PHF2: variants seen among roughly 807,000 people sequenced by gnomAD.
The protein encoded by PHF2 is PHD finger protein 2.
In PHF2, 27 loss-of-function variants were observed where a neutral mutation model predicts 120.5. The ratio of observed to expected loss-of-function variants is 0.22; its 90% CI spans 0.17 to 0.31. PHF2 has a LOEUF of 0.31. Ranked by LOEUF, PHF2 falls within the 10% of genes least tolerant of loss-of-function variation. The probability of loss-of-function intolerance (pLI) is 1.00; values close to 1 mark genes in which losing one functional copy is unlikely to be tolerated. For synonymous variants in PHF2, 568 were observed against 592.5 expected, an observed-to-expected ratio of 0.96 and a Z score of 0.60; for missense variants, 1,024 against 1,434.8, an observed-to-expected ratio of 0.71 and a Z score of 4.63.
chr9:93,671,379 T>G (rs1196524995), intron 17 of PHF2, among the ~76,000 whole-genome samples: 14 of 128,936 alleles, frequency 1.1e-4, no homozygotes, highest in African/African-American at 3.3e-4. Flanking sequence ...TGGGTGTGGA[T>G]GTAGGTACAG....
chr9:93,649,525 T>C (rs1826324668), intron 5 of PHF2, among the ~76,000 whole-genome samples: 1 of 152,032 alleles, frequency 6.6e-6, no homozygotes, highest in Non-Finnish European at 1.5e-5. Context: ...CCCATCCCAC[T>C]CCTCAGAGAG....
intron 14 of PHF2, among the ~76,000 whole-genome samples, chr9:93,664,497 C>T (rs1171733190): frequency 1.3e-5 from 2 of 152,222 alleles, no homozygotes; most frequent in African/African-American, 4.8e-5. Context: ...CACTTTTCTG[C>T]AGCAGCCACT....
At position 93,676,954 on chromosome 9, in the gene PHF2, G is replaced by T. The variant is rs377079959; in HGVS notation, c.3193G>T (p.Ala1065Ser). 2 of 1,551,246 alleles carry T rather than the reference G, an allele frequency of 1.3e-6. No individual in the cohort carries two copies. The highest frequency in any genetic ancestry group is 1.7e-6 in the Non-Finnish European group (2 of 1,144,608). ...CGCATCGTCTCCAAACAACAACACCGCTGCCAAAGGTACTGTGCCTGCTGG... is the reference window on the plus strand; with the variant it reads ...CGCATCGTCTCCAAACAACAACACCTCTGCCAAAGGTACTGTGCCTGCTGG... ...PSASSPNNNT[A>S]AKGKRTKKGM... The change falls in exon 21 of 22, where the codon GCT becomes TCT. Residue 1065 changes from alanine (A) to serine (S), a missense_variant. This residue lies in a region of PHF2 where 677 missense variants were observed against 857.4 expected (regional missense o/e 0.79). Transcript: ENST00000359246.
chr9:93,663,585 A>C lies in PHF2; in HGVS notation c.1887A>C (p.Gly629=). The change falls in exon 14 of 22, where the codon GGA becomes GGC. Residue 629 remains glycine (G), a synonymous_variant. Coordinates refer to ENST00000359246, the MANE Select transcript of PHF2 (RefSeq NM_005392.4). ...AGCTAGAGAAGTCGCCTCTAGCTGG[A>C]AACAAAGACAATAAGTTCTCTTTTT... ...EQKLEKSPLA[G]NKDNKFSFSF... is the part of the protein sequence containing the mutation. The C allele has an allele frequency of 6.2e-7, 1 of 1,613,630 alleles. No homozygotes were observed. Among genetic ancestry groups the C allele is most frequent in the Non-Finnish European group, 8.5e-7 (1 of 1,179,678 alleles).
rs150897149 is a variant in PHF2 at position 93,654,653 on chromosome 9, C to T, written c.952+78C>T. 9.2e-4 allele frequency: 1,265 copies of T among 1,378,302 alleles called. 11 individuals are homozygous for T. The highest frequency in any genetic ancestry group is 3.7e-3 in the Middle Eastern group (15 of 4,088). 85.4% of individuals were successfully genotyped at this position (1,378,302 alleles called of 1,614,324 possible). On this transcript the variant is annotated intron_variant, in intron 7 of 21. Transcript: ENST00000359246. ...AAGCTTACTGCCCTGTCCCTTGGACCGTGTCCCCACCATGGGGTCTCTTCG... is the reference window on the plus strand; with the variant it reads ...AAGCTTACTGCCCTGTCCCTTGGACTGTGTCCCCACCATGGGGTCTCTTCG...
At chr9:93,591,171 C>A (rs1194384447) in intron 1 of PHF2, among the ~76,000 whole-genome samples, 3 of 152,218 alleles carry the variant, frequency 2.0e-5, no homozygotes, top group Non-Finnish European at 4.4e-5. Flanking sequence ...TCCCAGCACC[C>A]CTCTCCCCAC....
intron 3 of PHF2, among the ~76,000 whole-genome samples, chr9:93,637,408 A>T (rs1434744131): frequency 6.6e-6 from 1 of 152,166 alleles, no homozygotes; most frequent in East Asian, 1.9e-4. Context: ...TGATTTTGGG[A>T]CATTTTCATC....
chr9:93,636,344 G>A (rs1826089543), intron 2 of PHF2, 67 bp from the exon 3 acceptor site: 1 of 1,277,542 alleles, frequency 7.8e-7, no homozygotes, highest in South Asian at 1.3e-5. Context: ...AAGGTTCTTA[G>A]GGGAAGTTGT....
rs1199968037 is a variant in PHF2 at position 93,586,798 on chromosome 9, G to A, written c.98+9927G>A. ...GAGACCAGGCTCTGTTCTAGGCACG[G>A]GCAGCAGTGAGGAAGACTGCACGGC... is the stretch of plus-strand genomic sequence containing the variant. On this transcript the variant is annotated intron_variant, in intron 1 of 21. Transcript: ENST00000359246. Among the ~76,000 whole-genome samples the A allele has an allele frequency of 2.0e-5, 3 of 152,340 alleles. No individual in the cohort carries two copies. The East Asian group carries it at 5.8e-4, about 29-fold the overall frequency.
At chr9:93,581,919 T>C (rs1862937481) in intron 1 of PHF2, among the ~76,000 whole-genome samples, 3 of 152,236 alleles carry the variant, frequency 2.0e-5, no homozygotes, top group Non-Finnish European at 2.9e-5. Flanking sequence ...CACAGTTCTC[T>C]GGGAGAATCT....
intron 12 of PHF2, among the ~76,000 whole-genome samples, chr9:93,661,945 A>G (rs1016296038): frequency 2.0e-5 from 3 of 151,674 alleles, no homozygotes; most frequent in Non-Finnish European, 4.4e-5. Context: ...GGATGAATAA[A>G]TGGATAGATG....
rs116621621 is a variant in PHF2 at position 93,605,705 on chromosome 9, C to A, written c.99-24265C>A. 4.1e-3 allele frequency among the ~76,000 whole-genome samples: 620 copies of A among 152,242 alleles called. 3 individuals are homozygous for A. Among genetic ancestry groups the A allele is most frequent in the African/African-American group, 0.014 (589 of 41,544 alleles). On this transcript the variant is annotated intron_variant, in intron 1 of 21. Coordinates refer to ENST00000359246, the MANE Select transcript of PHF2 (RefSeq NM_005392.4). ...TGGGCTTCTTTTACTTAGTAATATA[C>A]GTTTAAGACTCTTCATGTTTTTTTC...
At chr9:93,588,299 G>C (rs1863099170) in intron 1 of PHF2, among the ~76,000 whole-genome samples, 1 of 152,214 alleles carries the variant, frequency 6.6e-6, no homozygotes. Flanking sequence ...TGGTGGCGTT[G>C]TGTTGGGGAC....
chr9:93,666,052 G>A lies in PHF2; in HGVS notation c.2179G>A (p.Ala727Thr), dbSNP rs147826159. Residue 727 changes from alanine (A) to threonine (T), a missense_variant, in exon 16 of 22, where the codon GCG (alanine) becomes ACG (threonine). Ala to Thr is a moderately conservative substitution (Grantham distance 58). Transcript: ENST00000359246. ...PVTKPKLDSA[A>T]YKSDDSSDEG... ...CACGAAGCCAAAGCTGGACTCGGCA[G>A]CGTACAAGGTGAGCTGCCTTACAGG... The A allele has an allele frequency of 3.6e-4, 582 of 1,612,898 alleles. 7 individuals carry two copies. The East Asian group carries it at 9.9e-3, about 27-fold the overall frequency.
intron 1 of PHF2, among the ~76,000 whole-genome samples, chr9:93,617,141 G>T (rs1391023289): frequency 6.6e-6 from 1 of 152,214 alleles, no homozygotes; most frequent in Admixed American, 6.5e-5. Context: ...CCAGGGCCAG[G>T]TGTCGGTCAT....
intron 13 of PHF2, 54 bp from the exon 14 acceptor site, chr9:93,663,463 C>G (rs1826615733): frequency 9.0e-7 from 1 of 1,111,704 alleles, no homozygotes; most frequent in Non-Finnish European, 1.3e-6. Flanking sequence ...AATTGGGGTC[C>G]TGACCCCCCA....
intron 2 of PHF2, among the ~76,000 whole-genome samples, chr9:93,631,865 TGAGAA>T (rs1028476463): frequency 3.3e-5 from 5 of 152,016 alleles, no homozygotes; most frequent in African/African-American, 1.2e-4. Flanking sequence ...GTGCATCACT[TGAGAA>T]GAGGCTTTCA....
intron 1 of PHF2, among the ~76,000 whole-genome samples, chr9:93,605,584 ATGTAGTAGACATTC>A (rs1399076605): frequency 6.6e-6 from 1 of 152,220 alleles, no homozygotes; most frequent in Non-Finnish European, 1.5e-5. Flanking sequence ...GCAGAATGTC[ATGTAGTAGACATTC>A]TGTCTACTTT....
chr9:93,590,122 T>A (rs1825183195), intron 1 of PHF2, among the ~76,000 whole-genome samples: 1 of 152,250 alleles, frequency 6.6e-6, no homozygotes, highest in Admixed American at 6.5e-5. Flanking sequence ...GATTTTAAAA[T>A]CGTCAGATTG....
Sources: gnomAD v4.1 joint callset for allele counts (sites outside exome capture counted in the v4.1 genomes callset) on GRCh38, gnomAD v4.1.1 for gene constraint, gnomAD v4.1.1 regional missense constraint, MANE v1.5 for transcripts, NCBI Gene and HGNC (gene_info 2026-07-23, HGNC 2026-07-21) for gene names.